The following SPEN variants were observed in gnomAD, a reference collection of about 807,000 sequenced individuals.
The protein encoded by SPEN is msx2-interacting protein.
A neutral mutation model predicts 269.9 loss-of-function variants in SPEN; 18 were observed. The observed-to-expected ratio is 0.07, with a 90% CI of 0.05 to 0.10. SPEN has a LOEUF of 0.10. SPEN is among the 10% of genes least tolerant of loss of function. The pLI is 1.00. For synonymous variants in SPEN, 1,726 were observed against 1,765.7 expected (o/e 0.98, Z 0.56); for missense variants, 3,822 against 4,631.2 (o/e 0.83, Z 5.07).
rs552546041 is a variant in SPEN at position 15,932,171 on chromosome 1, A to G, written c.5931A>G (p.Pro1977=). The G allele has an allele frequency of 9.9e-6, 16 of 1,612,330 alleles. No homozygotes were observed. In the Admixed American group the frequency reaches 2.2e-4, roughly 22 times the overall value. The change falls in exon 11 of 15, where the codon CCA becomes CCG. Residue 1977 remains proline (P), a synonymous_variant. Transcript: ENST00000375759. This position sits in a 1 kb window ranked among gnomAD's most constrained non-coding sequence, Gnocchi z 4.2. The part of the protein sequence containing the change: ...EAKEPAETLK[P]PEGWRSPRSQ... Reference sequence around the variant, plus strand: ...AGGAACCTGCAGAAACACTCAAGCCACCTGAGGGATGGCGGTCGCCAAGGT... The same window carrying G: ...AGGAACCTGCAGAAACACTCAAGCCGCCTGAGGGATGGCGGTCGCCAAGGT...
At position 15,934,857 on chromosome 1, in the gene SPEN, G is replaced by A. The variant is rs2071258811; in HGVS notation, c.8617G>A (p.Ala2873Thr). 1 of 1,614,160 alleles carries A rather than the reference G, an allele frequency of 6.2e-7. No individual in the cohort carries two copies. Among genetic ancestry groups the A allele is most frequent in the Non-Finnish European group, 8.5e-7 (1 of 1,180,028 alleles). Reference protein sequence around the residue: ...ASQPPSKGPQAPAGYANVATH... With the variant: ...ASQPPSKGPQTPAGYANVATH... ...GCAGCCTCCATCCAAAGGCCCTCAA[G>A]CTCCTGCAGGCTATGCGAACGTGGC... Residue 2873 changes from alanine to threonine, a missense_variant, in exon 11 of 15, where the codon GCT becomes ACT. By Grantham distance (58) the Ala-to-Thr change is moderately conservative. Coordinates refer to ENST00000375759, the MANE Select transcript of SPEN (RefSeq NM_015001.3). This position sits in a 1 kb window ranked among gnomAD's most constrained non-coding sequence, Gnocchi z 9.2.
chr1:15,886,972 C>CTGGA (rs2070741670), intron 3 of SPEN, among the ~76,000 whole-genome samples: 1 of 152,104 alleles, frequency 6.6e-6, no homozygotes. Context: ...TTAATTTACT[C>CTGGA]TGGATGATTG....
chr1:15,850,307 C>G (rs906920869), intron 1 of SPEN, among the ~76,000 whole-genome samples: 8 of 152,080 alleles, frequency 5.3e-5, no homozygotes, highest in African/African-American at 1.9e-4. Flanking sequence ...GAGTATCTTA[C>G]CTATTGCAGA....
intron 6 of SPEN, among the ~76,000 whole-genome samples, chr1:15,918,272 G>A (rs1451634109): frequency 6.6e-6 from 1 of 152,072 alleles, no homozygotes; most frequent in Non-Finnish European, 1.5e-5. Context: ...TGTCACCTGC[G>A]CAATGGCGCG....
intron 1 of SPEN, among the ~76,000 whole-genome samples, chr1:15,867,005 A>G (rs949169040): frequency 4.6e-5 from 7 of 152,214 alleles, no homozygotes; most frequent in Admixed American, 4.6e-4. Context: ...CTCATAAACC[A>G]TAAAATTTAC....
At chr1:15,911,406 CTTTA>C in intron 5 of SPEN, 105 bp downstream of exon 5, 1 of 841,052 alleles carries the variant, frequency 1.2e-6, no homozygotes, top group Non-Finnish European at 1.9e-6. Context: ...ACTATTCTGG[CTTTA>C]TTTATTGACA....
chr1:15,928,445 G>T lies in SPEN; in HGVS notation c.2205G>T (p.Gln735His). The T allele has an allele frequency of 6.2e-7, 1 of 1,614,178 alleles. No homozygotes were observed. The highest frequency in any genetic ancestry group is 1.1e-5 in the South Asian group (1 of 91,076). The change falls in exon 11 of 15, where the codon CAG (glutamine) becomes CAT (histidine). Residue 735 changes from glutamine (Q) to histidine (H), a missense_variant. By Grantham distance (24) the Gln-to-His change is conservative. This residue lies in a region of SPEN where 572 missense variants were observed against 582.6 expected (regional missense o/e 0.98). Transcript: ENST00000375759. The surrounding 1 kb of genome is among the most constrained non-coding windows in gnomAD (Gnocchi z 5.7). ...GTCCTGTTCACTTGCGACGTCCACA[G>T]AGTCCTGGAGCGTCTCCCTCTCAGG... ...SQSPVHLRRP[Q>H]SPGASPSQAE...
intron 10 of SPEN, among the ~76,000 whole-genome samples, chr1:15,924,152 T>A (rs1557756643): frequency 6.6e-6 from 1 of 151,796 alleles, no homozygotes. Flanking sequence ...TGTAAGAGAG[T>A]GAAAGTGAGC....
Position 15,928,459 on chromosome 1 carries a change from C to T in SPEN, c.2219C>T (p.Ser740Phe). The change falls in exon 11 of 15, where the codon TCT becomes TTT. Residue 740 changes from serine to phenylalanine, a missense_variant. By Grantham distance (155) the Ser-to-Phe change is radical. Coordinates refer to ENST00000375759, the MANE Select transcript of SPEN (RefSeq NM_015001.3). This position sits in a 1 kb window ranked among gnomAD's most constrained non-coding sequence, Gnocchi z 5.7. ...HLRRPQSPGA[S>F]PSQAERLPSD... is the part of the protein sequence containing the mutation. ...CGACGTCCACAGAGTCCTGGAGCGT[C>T]TCCCTCTCAGGCAGAGAGGTTGCCG... The T allele has an allele frequency of 6.2e-7, 1 of 1,614,114 alleles. No homozygotes were observed. The highest frequency in any genetic ancestry group is 8.5e-7 in the Non-Finnish European group (1 of 1,180,030).
chr1:15,854,582 G>C (rs545446528), intron 1 of SPEN, among the ~76,000 whole-genome samples: 1 of 151,956 alleles, frequency 6.6e-6, no homozygotes, highest in East Asian at 1.9e-4. Flanking sequence ...CTGCCTCCCA[G>C]GTTCAAGCAA....
intron 10 of SPEN, among the ~76,000 whole-genome samples, chr1:15,925,264 C>T (rs186513949): frequency 1.8e-4 from 28 of 152,222 alleles, no homozygotes; most frequent in East Asian, 9.6e-4. Context: ...GAGTGGTTCT[C>T]GAGATGAATT....
Position 15,937,310 on chromosome 1 carries a change from G to T in SPEN, c.10174G>T (p.Ala3392Ser), listed in dbSNP as rs1485569757. The part of the protein sequence containing the change: ...SSKMPQVSQE[A>S]KGTQTGVEQP... Reference sequence around the variant, plus strand: ...CAAGATGCCTCAAGTGTCCCAGGAGGCAAAGGGGACCCAGACGGGAGTAGA... The same window carrying T: ...CAAGATGCCTCAAGTGTCCCAGGAGTCAAAGGGGACCCAGACGGGAGTAGA... The change falls in exon 12 of 15, where the codon GCA becomes TCA. Residue 3392 changes from alanine (A) to serine (S), a missense_variant. Coordinates refer to ENST00000375759, the MANE Select transcript of SPEN (RefSeq NM_015001.3). The surrounding 1 kb of genome is among the most constrained non-coding windows in gnomAD (Gnocchi z 5.7). 6.2e-7 allele frequency: 1 copy of T among 1,613,922 alleles called. No individual in the cohort carries two copies. Among genetic ancestry groups the T allele is most frequent in the East Asian group, 2.2e-5 (1 of 44,846 alleles).
chr1:15,881,971 T>A (rs1183775621), intron 3 of SPEN, among the ~76,000 whole-genome samples: 4 of 152,240 alleles, frequency 2.6e-5, no homozygotes, highest in Admixed American at 2.6e-4. Context: ...TCTCCATGAC[T>A]GATGGGGAAA....
chr1:15,876,652 C>T lies in SPEN; in HGVS notation c.855C>T (p.Ser285=). ...RSRSSSSDSI[S]SSSSTSSDSS... Reference sequence around the variant, plus strand: ...GATCCTCCAGTAGTGATTCAATCAGCAGCAGCAGTAGTACCAGCAGTGACA... The same window carrying T: ...GATCCTCCAGTAGTGATTCAATCAGTAGCAGCAGTAGTACCAGCAGTGACA... Residue 285 remains serine (S), a synonymous_variant, in exon 3 of 15, where the codon AGC becomes AGT. Coordinates refer to ENST00000375759, the MANE Select transcript of SPEN (RefSeq NM_015001.3). 1.2e-6 allele frequency: 2 copies of T among 1,613,224 alleles called. No individual in the cohort carries two copies. The highest frequency in any genetic ancestry group is 1.7e-6 in the Non-Finnish European group (2 of 1,179,764).
At chr1:15,918,279 C>T (rs776868995) in intron 6 of SPEN, among the ~76,000 whole-genome samples, 10 of 152,312 alleles carry the variant, frequency 6.6e-5, no homozygotes, top group South Asian at 2.1e-4. Flanking sequence ...TGCGCAATGG[C>T]GCGATCTTGG....
chr1:15,862,249 C>T (rs2070455966), intron 1 of SPEN, among the ~76,000 whole-genome samples: 1 of 152,110 alleles, frequency 6.6e-6, no homozygotes, highest in African/African-American at 2.4e-5. Context: ...ACTGTCATTA[C>T]TTTAATAAAT....
rs1400709014 is a variant in SPEN at position 15,918,357 on chromosome 1, T to A, written c.1396-569T>A. ...CCTCAGCCTTCAGAATAACTAGGAT[T>A]ACAGGCATGTGCCGCCATGCCTGGC... On this transcript the variant is annotated intron_variant, in intron 6 of 14. Transcript: ENST00000375759. Among the ~76,000 whole-genome samples, 3 of 152,352 alleles carry A rather than the reference T, an allele frequency of 2.0e-5. No homozygotes were observed. In the East Asian group the frequency reaches 5.8e-4, roughly 29 times the overall value.
rs867961125 is a variant in SPEN at position 15,931,189 on chromosome 1, C to T, written c.4949C>T (p.Ala1650Val). The change falls in exon 11 of 15, where the codon GCC becomes GTC. Residue 1650 changes from alanine to valine, a missense_variant. Physicochemically the swap from Ala to Val is moderately conservative, Grantham distance 64. Around this residue, in one of 16 missense-constraint regions of SPEN, gnomAD observed 533 missense variants for 618.8 expected, o/e 0.86. Coordinates refer to ENST00000375759, the MANE Select transcript of SPEN (RefSeq NM_015001.3). The surrounding 1 kb of genome is among the most constrained non-coding windows in gnomAD (Gnocchi z 4.8). ...PSVTVVTLES[A>V]PSALEKTTGD... The stretch of plus-strand genomic sequence containing the variant: ...GTCACAGTCGTAACTCTAGAATCAG[C>T]CCCATCAGCACTAGAGAAGACCACT... 22 of 1,614,080 alleles carry T rather than the reference C, an allele frequency of 1.4e-5. No homozygotes were observed. The highest frequency in any genetic ancestry group is 1.7e-5 in the Non-Finnish European group (20 of 1,180,040).
chr1:15,889,168 T>C (rs1557744470), intron 3 of SPEN, among the ~76,000 whole-genome samples: 1 of 150,024 alleles, frequency 6.7e-6, no homozygotes. Context: ...TCTTTTCTTT[T>C]TTTTTTTTTT....
Sources: gnomAD v4.1 joint callset for allele counts (sites outside exome capture counted in the v4.1 genomes callset) on GRCh38, gnomAD v4.1.1 for gene constraint, gnomAD v4.1.1 regional missense constraint, Gnocchi (gnomAD v3.1) non-coding constraint, MANE v1.5 for transcripts, NCBI Gene and HGNC (gene_info 2026-07-23, HGNC 2026-07-21) for gene names.